EPM2A: variants seen among roughly 807,000 people sequenced by gnomAD.
EPM2A encodes the protein laforin.
A neutral mutation model predicts 26.5 loss-of-function variants in EPM2A; 21 were observed. The ratio of observed to expected loss-of-function variants is 0.79; its 90% CI spans 0.56 to 1.14. The LOEUF (loss-of-function observed/expected upper bound fraction) is 1.14, where lower values mean the gene tolerates loss of function less well. Among genes scored for constraint, EPM2A ranks in the 50% most tolerant of loss-of-function variants. The probability of loss-of-function intolerance (pLI) is 0.00; values close to 1 mark genes in which losing one functional copy is unlikely to be tolerated. For synonymous variants in EPM2A, 217 were observed against 177.6 expected (o/e 1.22, Z -1.76); for missense variants, 458 against 440.8 (o/e 1.04, Z -0.35).
intron 2 of EPM2A, among the ~76,000 whole-genome samples, chr6:145,532,584 G>A (rs1157695659): frequency 6.6e-6 from 1 of 152,088 alleles, no homozygotes; most frequent in African/African-American, 2.4e-5. Context: ...ATGCTAGCAG[G>A]GCCAGTGAGT....
intron 2 of EPM2A, among the ~76,000 whole-genome samples, chr6:145,521,003 A>C (rs1277759182): frequency 6.6e-6 from 1 of 152,236 alleles, no homozygotes; most frequent in Non-Finnish European, 1.5e-5. Flanking sequence ...TGTTGATGGA[A>C]ATGATTGATC....
At chr6:145,609,870 G>A (rs1053114699) in intron 2 of EPM2A, among the ~76,000 whole-genome samples, 1 of 152,188 alleles carries the variant, frequency 6.6e-6, no homozygotes, top group Admixed American at 6.5e-5. Flanking sequence ...TACTTTGGAA[G>A]GGACCTTGGA....
chr6:145,717,504 T>C (rs1251897606), intron 1 of EPM2A, among the ~76,000 whole-genome samples: 2 of 152,174 alleles, frequency 1.3e-5, no homozygotes, highest in African/African-American at 4.8e-5. Context: ...TACCCACAGC[T>C]AATATCATAC....
At chr6:145,672,194 T>A (rs1166135436) in intron 2 of EPM2A, among the ~76,000 whole-genome samples, 1 of 152,222 alleles carries the variant, frequency 6.6e-6, no homozygotes, top group Non-Finnish European at 1.5e-5. Flanking sequence ...ATTTAATATT[T>A]ATTGAGCTAT....
intron 2 of EPM2A, among the ~76,000 whole-genome samples, chr6:145,611,811 T>C (rs1415825464): frequency 6.6e-6 from 1 of 152,126 alleles, no homozygotes; most frequent in Non-Finnish European, 1.5e-5. Flanking sequence ...ACTCCATTGA[T>C]ACTAAATTAT....
At chr6:145,517,565 G>A (rs989446681) in intron 2 of EPM2A, among the ~76,000 whole-genome samples, 6 of 152,194 alleles carry the variant, frequency 3.9e-5, no homozygotes, top group South Asian at 2.1e-4. Flanking sequence ...GAAGAGCTTC[G>A]AAAGGCATAA....
chr6:145,699,154 A>T (rs1314189351), intron 1 of EPM2A, among the ~76,000 whole-genome samples: 1 of 152,198 alleles, frequency 6.6e-6, no homozygotes. Flanking sequence ...CTATGCTAGG[A>T]AGGGGTAATA....
At chr6:145,452,109 G>A (rs995909153) in intron 4 of EPM2A, among the ~76,000 whole-genome samples, 12 of 152,080 alleles carry the variant, frequency 7.9e-5, no homozygotes, top group Admixed American at 4.6e-4. Context: ...CCTGCCAGGC[G>A]GTTCCTCAGG....
intron 2 of EPM2A, among the ~76,000 whole-genome samples, chr6:145,674,179 C>T (rs1403093330): frequency 6.6e-6 from 1 of 152,154 alleles, no homozygotes; most frequent in African/African-American, 2.4e-5. Flanking sequence ...CTGAAGCAAA[C>T]TCCAACAGAC....
At chr6:145,395,379 C>T (rs1265807359) in intron 4 of EPM2A, among the ~76,000 whole-genome samples, 2 of 152,106 alleles carry the variant, frequency 1.3e-5, no homozygotes, top group African/African-American at 4.8e-5. Context: ...AAGAAAATGC[C>T]TTGGGAATCC....
chr6:145,694,221 A>G (rs9403739), intron 1 of EPM2A, among the ~76,000 whole-genome samples: 83,193 of 151,640 alleles, frequency 0.55, 23,379 homozygotes, highest in East Asian at 0.77. Context: ...ATTCTAACAC[A>G]TTAATCTCTA....
At position 145,627,269 on chromosome 6, in the gene EPM2A, G is replaced by A. The variant is rs894083751; in HGVS notation, c.*147C>T. On this transcript the variant is annotated 3_prime_UTR_variant, in exon 4 of 4. Coordinates refer to ENST00000367519, the MANE Select transcript of EPM2A (RefSeq NM_005670.4). ...TACAGCCCCAAAACAAAGCATAATCGAAAGTCATCCCAGGTGAAAGTGGTT... is the reference window on the plus strand; with the variant it reads ...TACAGCCCCAAAACAAAGCATAATCAAAAGTCATCCCAGGTGAAAGTGGTT... 1.2e-5 allele frequency: 18 copies of A among 1,549,964 alleles called. No individual in the cohort carries two copies. Among genetic ancestry groups the A allele is most frequent in the East Asian group, 4.5e-5 (2 of 44,472 alleles).
At chr6:145,395,751 C>T (rs1778396764) in intron 4 of EPM2A, among the ~76,000 whole-genome samples, 1 of 152,148 alleles carries the variant, frequency 6.6e-6, no homozygotes, top group African/African-American at 2.4e-5. Context: ...ACATCCTTCT[C>T]TCACCACACA....
intron 2 of EPM2A, among the ~76,000 whole-genome samples, chr6:145,556,663 G>A (rs1490277285): frequency 6.6e-6 from 1 of 152,084 alleles, no homozygotes; most frequent in Non-Finnish European, 1.5e-5. Context: ...TTGAGAAGCA[G>A]ACCACCTTAA....
chr6:145,643,369 T>G lies in EPM2A; in HGVS notation c.477-7883A>C, dbSNP rs181250295. ...TAATATCAAGCTATTCAATTCCTTT[T>G]GTTTTCCCTCAAATCTTTATTTTTA... On this transcript the variant is annotated intron_variant, in intron 2 of 3. Coordinates refer to ENST00000367519, the MANE Select transcript of EPM2A (RefSeq NM_005670.4). 2.4e-3 allele frequency among the ~76,000 whole-genome samples: 368 copies of G among 152,322 alleles called. 1 individual carries two copies. The highest frequency in any genetic ancestry group is 8.2e-3 in the African/African-American group (339 of 41,572).
intron 1 of EPM2A, among the ~76,000 whole-genome samples, chr6:145,700,762 A>G (rs1781866837): frequency 6.6e-6 from 1 of 152,164 alleles, no homozygotes; most frequent in Non-Finnish European, 1.5e-5. Flanking sequence ...GTAAACATGC[A>G]TTTTGGCAGT....
chr6:145,676,644 T>C (rs952035738), intron 2 of EPM2A, among the ~76,000 whole-genome samples: 3 of 152,072 alleles, frequency 2.0e-5, no homozygotes, highest in African/African-American at 4.8e-5. Context: ...GAGAATACTA[T>C]AAACACCTCT....
chr6:145,517,260 G>C (rs1312876999), intron 2 of EPM2A, among the ~76,000 whole-genome samples: 1 of 152,140 alleles, frequency 6.6e-6, no homozygotes, highest in African/African-American at 2.4e-5. Flanking sequence ...AAGTTCTAGA[G>C]ATCTGTTATA....
chr6:145,497,423 A>G (rs1035572052), downstream of EPM2A, among the ~76,000 whole-genome samples: 5 of 152,178 alleles, frequency 3.3e-5, no homozygotes, highest in African/African-American at 1.2e-4. Flanking sequence ...TGGGAGCTCC[A>G]TTCCAGTGGG....
Sources: allele counts gnomAD v4.1 joint callset (sites outside exome capture counted in the v4.1 genomes callset), GRCh38; gene constraint gnomAD v4.1.1; transcripts MANE v1.5; gene names NCBI Gene and HGNC (gene_info 2026-07-23, HGNC 2026-07-21).